Variants in REDIC1 observed in about 807,000 individuals in gnomAD.
REDIC1 encodes HEI10 Interacting Protein 1.
the REDIC1 span, among the ~76,000 whole-genome samples, chr12:39,657,912 A>G: frequency 1.3e-5 from 2 of 151,800 alleles, no homozygotes; most frequent in Admixed American, 6.6e-5. Context: ...CTTATTTTGC[A>G]TTTAATTTCC....
At chr12:39,758,166 C>A in the REDIC1 span, 3 of 151,338 alleles carry the variant, frequency 2.0e-5, no homozygotes, top group Admixed American at 2.0e-4. Flanking sequence ...AAGGAAAAAA[C>A]CTCTATAAAA....
At chr12:39,629,797 C>G in the REDIC1 span, among the ~76,000 whole-genome samples, 1 of 152,048 alleles carries the variant, frequency 6.6e-6, no homozygotes, top group Non-Finnish European at 1.5e-5. Context: ...GATAGTAGTT[C>G]CCAAACTACT....
At chr12:39,714,223 G>A in the REDIC1 span, among the ~76,000 whole-genome samples, 13 of 95,038 alleles carry the variant, frequency 1.4e-4, 1 homozygote, top group East Asian at 2.9e-4. Context: ...ATACGTATAT[G>A]CATGCATATA....
At chr12:39,776,877 T>C in the REDIC1 span, among the ~76,000 whole-genome samples, 1 of 152,206 alleles carries the variant, frequency 6.6e-6, no homozygotes, top group Non-Finnish European at 1.5e-5. Flanking sequence ...GATCCTGATT[T>C]TGAATTAATA....
At chr12:39,803,901 A>C in the REDIC1 span, among the ~76,000 whole-genome samples, 4 of 152,200 alleles carry the variant, frequency 2.6e-5, no homozygotes. Context: ...TCCCTTCCCA[A>C]GATAAATAAA....
At chr12:39,629,328 C>G in the REDIC1 span, among the ~76,000 whole-genome samples, 1 of 152,092 alleles carries the variant, frequency 6.6e-6, no homozygotes, top group East Asian at 1.9e-4. Flanking sequence ...ATAAAGGGCT[C>G]TCTATATACT....
At chr12:39,664,823 A>T in the REDIC1 span, among the ~76,000 whole-genome samples, 1 of 152,064 alleles carries the variant, frequency 6.6e-6, no homozygotes. Flanking sequence ...TCTCTGATGG[A>T]CAGTGATGAT....
chr12:39,665,725 TG>T, the REDIC1 span, among the ~76,000 whole-genome samples: 5 of 151,522 alleles, frequency 3.3e-5, no homozygotes, highest in Non-Finnish European at 5.9e-5. Flanking sequence ...TTCTTCCATT[TG>T]TTTGTATCCT....
the REDIC1 span, chr12:39,644,015 G>A: frequency 1.6e-5 from 16 of 997,284 alleles, no homozygotes; most frequent in Admixed American, 3.4e-4. Context: ...AAAGCATGTG[G>A]AAAATTAATT....
chr12:39,861,693 C>G, the REDIC1 span, among the ~76,000 whole-genome samples: 1 of 152,116 alleles, frequency 6.6e-6, no homozygotes, highest in Non-Finnish European at 1.5e-5. Context: ...TGTGTGTGAA[C>G]TCTCATAAAG....
At chr12:39,799,151 C>T in the REDIC1 span, among the ~76,000 whole-genome samples, 7 of 148,576 alleles carry the variant, frequency 4.7e-5, no homozygotes, top group African/African-American at 1.7e-4. Context: ...GGTGCAATCT[C>T]AGCTCACTGC....
chr12:39,843,623 G>T, the REDIC1 span, among the ~76,000 whole-genome samples: 82,843 of 151,810 alleles, frequency 0.55, 22,836 homozygotes, highest in East Asian at 0.74. Flanking sequence ...TGAAATAATA[G>T]TTGTAGGCCA....
At chr12:39,682,662 A>G in the REDIC1 span, 3 of 1,609,260 alleles carry the variant, frequency 1.9e-6, no homozygotes, top group Non-Finnish European at 2.5e-6. Context: ...TTATGGATGA[A>G]GATTGTAGAA....
the REDIC1 span, among the ~76,000 whole-genome samples, chr12:39,702,995 C>A: frequency 1.3e-5 from 2 of 152,190 alleles, no homozygotes; most frequent in Non-Finnish European, 2.9e-5. Context: ...TGGGCAAAAA[C>A]TGGAAGCATT....
the REDIC1 span, among the ~76,000 whole-genome samples, chr12:39,712,474 A>G: frequency 7.1e-6 from 1 of 140,954 alleles, no homozygotes; most frequent in East Asian, 2.1e-4. Flanking sequence ...GTATGTATAT[A>G]TACATACAGG....
chr12:39,631,590 G>A, the REDIC1 span, among the ~76,000 whole-genome samples: 1 of 151,836 alleles, frequency 6.6e-6, no homozygotes, highest in Non-Finnish European at 1.5e-5. Context: ...TAAAAAATAA[G>A]GTATAAATGG....
the REDIC1 span, among the ~76,000 whole-genome samples, chr12:39,866,244 T>C: frequency 6.6e-6 from 1 of 152,098 alleles, no homozygotes; most frequent in Admixed American, 6.6e-5. Flanking sequence ...TATATAATAG[T>C]TGAGATGTTT....
chr12:39,745,449 T>G, the REDIC1 span, among the ~76,000 whole-genome samples: 1 of 152,250 alleles, frequency 6.6e-6, no homozygotes, highest in Non-Finnish European at 1.5e-5. Context: ...CTGCTTCCTC[T>G]GACTCAATTA....
chr12:39,811,736 AATATT>A, the REDIC1 span, among the ~76,000 whole-genome samples: 2 of 152,184 alleles, frequency 1.3e-5, no homozygotes, highest in African/African-American at 2.4e-5. Flanking sequence ...AATCTCTGAT[AATATT>A]CCTTAATCTG....
Sources: allele counts gnomAD v4.1 joint callset (sites outside exome capture counted in the v4.1 genomes callset), GRCh38; gene constraint gnomAD v4.1.1; transcripts MANE v1.5; gene names NCBI Gene and HGNC (gene_info 2026-07-23, HGNC 2026-07-21).